Variants in FHIT observed in about 807,000 individuals in gnomAD.
FHIT encodes fragile histidine triad diadenosine triphosphatase, also known as bis(5'-adenosyl)-triphosphatase.
FHIT carries 19 observed loss-of-function variants against 17.9 expected under a neutral mutation model. The ratio of observed to expected loss-of-function variants is 1.06; its 90% confidence interval spans 0.74 to 1.56. The LOEUF (loss-of-function observed/expected upper bound fraction) is 1.56. FHIT is among the 40% of genes most tolerant of loss of function. FHIT has a pLI of 0.00. For missense variants in FHIT, 248 were observed against 189.2 expected (o/e 1.31, Z -1.82); for synonymous variants, 81 against 69.7 (o/e 1.16, Z -0.81).
intron 4 of FHIT, among the ~76,000 whole-genome samples, chr3:60,779,370 C>A (rs1553725218): frequency 1.3e-5 from 2 of 152,152 alleles, no homozygotes. Flanking sequence ...TCAGAAAGAA[C>A]AGGAGGGATG....
chr3:60,588,643 A>C (rs1372426850), intron 4 of FHIT, among the ~76,000 whole-genome samples: 1 of 151,878 alleles, frequency 6.6e-6, no homozygotes, highest in Non-Finnish European at 1.5e-5. Flanking sequence ...TCGTGACTAT[A>C]ATTTTTTTAA....
At chr3:60,972,454 C>A (rs1313047461) in intron 3 of FHIT, among the ~76,000 whole-genome samples, 3 of 151,750 alleles carry the variant, frequency 2.0e-5, no homozygotes, top group Non-Finnish European at 1.5e-5. Context: ...CATTGGTGTG[C>A]CTTTGAAAAT....
chr3:60,429,636 G>C (rs1366838890), intron 5 of FHIT, among the ~76,000 whole-genome samples: 1 of 152,002 alleles, frequency 6.6e-6, no homozygotes, highest in African/African-American at 2.4e-5. Flanking sequence ...CTCTAATAAG[G>C]CTCTGCAGGG....
At chr3:60,064,164 T>A (rs1702404248) in intron 5 of FHIT, among the ~76,000 whole-genome samples, 1 of 152,200 alleles carries the variant, frequency 6.6e-6, no homozygotes, top group South Asian at 2.1e-4. Flanking sequence ...CTTTCCTTCC[T>A]GCCTGAAGTT....
chr3:60,023,988 T>C (rs961881016), intron 5 of FHIT, among the ~76,000 whole-genome samples: 11 of 109,030 alleles, frequency 1.0e-4, no homozygotes, highest in African/African-American at 3.2e-4. Flanking sequence ...ATATACTTCA[T>C]GGTAAAAAAA....
intron 5 of FHIT, among the ~76,000 whole-genome samples, chr3:60,177,986 TGA>T (rs1376608945): frequency 1.3e-5 from 2 of 152,210 alleles, no homozygotes; most frequent in Non-Finnish European, 2.9e-5. Flanking sequence ...GACTCAATGC[TGA>T]GAGTCCTAGC....
intron 5 of FHIT, among the ~76,000 whole-genome samples, chr3:60,262,858 A>T (rs374267066): frequency 8.8e-5 from 13 of 147,692 alleles, no homozygotes; most frequent in African/African-American, 2.2e-4. Flanking sequence ...AAAAAAAGAT[A>T]AAAAAAAAAG....
intron 4 of FHIT, among the ~76,000 whole-genome samples, chr3:60,785,366 A>G (rs781889857): frequency 5.9e-5 from 9 of 152,146 alleles, no homozygotes; most frequent in Non-Finnish European, 1.0e-4. Flanking sequence ...GTGGTGATAG[A>G]ATCTGCAGAC....
intron 5 of FHIT, among the ~76,000 whole-genome samples, chr3:60,268,426 G>A (rs546480560): frequency 3.9e-5 from 6 of 152,266 alleles, no homozygotes; most frequent in South Asian, 2.1e-4. Flanking sequence ...ATATCCTAAT[G>A]TGTTGCATTA....
rs138492561 is a variant in FHIT at position 59,902,298 on chromosome 3, T to C, written c.348+20048A>G. Among the ~76,000 whole-genome samples, 75 of 152,210 alleles carry C rather than the reference T, an allele frequency of 4.9e-4. 1 individual carries two copies. The highest frequency in any genetic ancestry group is 1.7e-3 in the African/African-American group (71 of 41,546). On this transcript the variant is annotated intron_variant, in intron 8 of 9. Transcript: ENST00000492590. ...TGGCCATTATCAAAAAGTCAAAAGA[T>C]AACAAGTATTGCTGAGGGTGTGTAG...
At chr3:60,376,231 GC>G in intron 5 of FHIT, among the ~76,000 whole-genome samples, 1 of 152,228 alleles carries the variant, frequency 6.6e-6, no homozygotes, top group African/African-American at 2.4e-5. Context: ...GACACCACAA[GC>G]CCCCATGCTT....
intron 1 of FHIT, among the ~76,000 whole-genome samples, chr3:61,236,592 A>G (rs1203752969): frequency 6.6e-6 from 1 of 152,208 alleles, no homozygotes; most frequent in Non-Finnish European, 1.5e-5. Flanking sequence ...CAGAATGATC[A>G]GATCCAAGCC....
In FHIT at chr3:60,493,908, C is replaced by A. The variant is rs554600754; in HGVS notation, c.103+42952G>T. The stretch of plus-strand genomic sequence containing the variant: ...CACCAGAAGCTAAATATGAATAGCT[C>A]AGAAAAAATCATTTTGGTTAAGACT... On this transcript the variant is annotated intron_variant, in intron 5 of 9. Transcript: ENST00000492590. 1.0e-3 allele frequency among the ~76,000 whole-genome samples: 159 copies of A among 152,192 alleles called. 5 individuals carry two copies. Among genetic ancestry groups the A allele is most frequent in the Middle Eastern group, 0.01 (3 of 294 alleles).
At position 60,971,986 on chromosome 3, in the gene FHIT, G is replaced by A. The variant is rs192412813; in HGVS notation, c.-111+70061C>T. ...TAACATCTTTCCATGGTAACCAATCGGTTATAATTATTCTTAATGTTATGA... is the reference window on the plus strand; with the variant it reads ...TAACATCTTTCCATGGTAACCAATCAGTTATAATTATTCTTAATGTTATGA... On this transcript the variant is annotated intron_variant, in intron 3 of 9. Transcript: ENST00000492590. 2.0e-4 allele frequency among the ~76,000 whole-genome samples: 30 copies of A among 152,034 alleles called. No individual in the cohort carries two copies. The East Asian group carries it at 3.9e-3, about 20-fold the overall frequency.
chr3:61,055,673 GT>G (rs755736376), intron 2 of FHIT, among the ~76,000 whole-genome samples: 4 of 152,136 alleles, frequency 2.6e-5, no homozygotes, highest in Non-Finnish European at 4.4e-5. Flanking sequence ...AACACAGATG[GT>G]GTCCTCAAGG....
chr3:61,094,255 A>T lies in FHIT; in HGVS notation c.-163-52156T>A, dbSNP rs77801861. Among the ~76,000 whole-genome samples, 1,171 of 152,304 alleles carry T rather than the reference A, an allele frequency of 7.7e-3. 18 individuals carry two copies. The highest frequency in any genetic ancestry group is 0.027 in the African/African-American group (1,103 of 41,564). On this transcript the variant is annotated intron_variant, in intron 2 of 9. Coordinates refer to ENST00000492590, the MANE Select transcript of FHIT (RefSeq NM_002012.4). ...ATGCAGTAGAGTTTCTGAAGATATC[A>T]TTGTAATGTGAAGGAGACAGTATTT...
chr3:59,929,818 C>A (rs1705875269), intron 7 of FHIT, among the ~76,000 whole-genome samples: 1 of 150,606 alleles, frequency 6.6e-6, no homozygotes, highest in South Asian at 2.1e-4. Context: ...CAAGCAATAA[C>A]AATCCTTTTC....
intron 5 of FHIT, among the ~76,000 whole-genome samples, chr3:60,310,272 T>C (rs555236770): frequency 5.9e-5 from 9 of 152,166 alleles, no homozygotes; most frequent in Non-Finnish European, 1.3e-4. Context: ...CTCTCTGTTC[T>C]GTGGTGTTTT....
intron 5 of FHIT, among the ~76,000 whole-genome samples, chr3:60,266,388 G>A (rs147839509): frequency 8.7e-4 from 132 of 152,084 alleles, no homozygotes; most frequent in Middle Eastern, 6.8e-3. Flanking sequence ...GCCCAGGGCC[G>A]CGGAGGGGGC....
Sources: allele counts gnomAD v4.1 joint callset (sites outside exome capture counted in the v4.1 genomes callset), GRCh38; gene constraint gnomAD v4.1.1; transcripts MANE v1.5; gene names NCBI Gene and HGNC (gene_info 2026-07-23, HGNC 2026-07-21).